Variants in UGT1A10 observed in about 807,000 individuals in gnomAD.
The protein encoded by UGT1A10 is UDP-glucuronosyltransferase 1A10.
Under a neutral mutation model 45.8 loss-of-function variants are expected in UGT1A10, and 49 were observed. That is an observed-to-expected ratio of 1.07 (90% confidence interval 0.85 to 1.36). The LOEUF is 1.36. UGT1A10 is among the 40% of genes most tolerant of loss of function. UGT1A10 has a pLI of 0.00. For synonymous variants in UGT1A10, 284 were observed against 249.7 expected (o/e 1.14, Z -1.29); for missense variants, 745 against 668.6 (o/e 1.11, Z -1.26).
chr2:233,682,607 T>C (rs1418324238), intron 1 of UGT1A10: 4 of 1,613,944 alleles, frequency 2.5e-6, no homozygotes, highest in Non-Finnish European at 3.4e-6. Flanking sequence ...CCCCTATTTT[T>C]TCAAAAATGT....
intron 1 of UGT1A10, among the ~76,000 whole-genome samples, chr2:233,640,473 A>G (rs1197127913): frequency 6.6e-6 from 1 of 152,218 alleles, no homozygotes; most frequent in Non-Finnish European, 1.5e-5. Context: ...CTTTAATATT[A>G]TCTCATTTCT....
At chr2:233,679,003 C>G (rs191810541) in intron 1 of UGT1A10, among the ~76,000 whole-genome samples, 7 of 152,324 alleles carry the variant, frequency 4.6e-5, no homozygotes, top group Admixed American at 4.6e-4. Flanking sequence ...ATAACAGTGG[C>G]ATCTTCAGTG....
chr2:233,680,635 C>T (rs2074493231), intron 1 of UGT1A10, among the ~76,000 whole-genome samples: 1 of 152,090 alleles, frequency 6.6e-6, no homozygotes, highest in South Asian at 2.1e-4. Context: ...AATGAGAATT[C>T]CCATGGACTT....
Position 233,636,770 on chromosome 2 carries a change from T to C in UGT1A10, c.248T>C (p.Leu83Pro), listed in dbSNP as rs1296906229. 2 of 1,614,070 alleles carry C rather than the reference T, an allele frequency of 1.2e-6. No individual in the cohort carries two copies. The highest frequency in any genetic ancestry group is 2.2e-5 in the East Asian group (1 of 44,898). Residue 83 changes from leucine to proline, a missense_variant, in exon 1 of 5, where the codon CTG (leucine) becomes CCG (proline). Leu to Pro is a moderately conservative substitution (Grantham distance 98, BLOSUM62 -3). Transcript: ENST00000344644. ...AAGACTTACTCAACCTCGTACACTC[T>C]GGAAGATCAGAACCGGGAATTCATG... is the stretch of plus-strand genomic sequence containing the variant. Reference protein sequence around the residue: ...TVKTYSTSYTLEDQNREFMVF... With the variant: ...TVKTYSTSYTPEDQNREFMVF...
At chr2:233,696,554 T>C (rs2075349375) in intron 1 of UGT1A10, among the ~76,000 whole-genome samples, 1 of 152,236 alleles carries the variant, frequency 6.6e-6, no homozygotes, top group African/African-American at 2.4e-5. Context: ...GAATATATTA[T>C]GTCATCTGAG....
intron 1 of UGT1A10, chr2:233,690,684 C>T (rs1252094224): frequency 1.9e-4 from 244 of 1,255,336 alleles, no homozygotes; most frequent in Non-Finnish European, 2.2e-4. Flanking sequence ...GGGTCTCCAG[C>T]GGAGCTACTC....
chr2:233,637,515 G>A (rs565498991), intron 1 of UGT1A10, 138 bp downstream of exon 1: 98 of 1,464,728 alleles, frequency 6.7e-5, no homozygotes, highest in African/African-American at 1.1e-4. Flanking sequence ...TATTTTGTGC[G>A]AATTCATGTA....
intron 1 of UGT1A10, chr2:233,729,669 C>T: frequency 6.2e-7 from 1 of 1,613,910 alleles, no homozygotes; most frequent in Non-Finnish European, 8.5e-7. Context: ...GTGATTTAGA[C>T]TTTAAGGGCA....
intron 1 of UGT1A10, among the ~76,000 whole-genome samples, chr2:233,756,700 T>C (rs1696300397): frequency 6.6e-6 from 1 of 152,160 alleles, no homozygotes; most frequent in Non-Finnish European, 1.5e-5. Flanking sequence ...CGATGAATTT[T>C]GGGGGGACTT....
chr2:233,757,560 ATG>A lies in UGT1A10; in HGVS notation c.856-9472_856-9471del, dbSNP rs199649558. The stretch of plus-strand genomic sequence containing the variant: ...AATATATATATATATATATATATAT[ATG>A]TATATATGATATAGCTATAGTCTAA... On this transcript the variant is annotated intron_variant, in intron 1 of 4. Transcript: ENST00000344644. 4.4e-3 allele frequency among the ~76,000 whole-genome samples: 540 copies of A among 123,120 alleles called. 38 individuals are homozygous for A. Among genetic ancestry groups the A allele is most frequent in the African/African-American group, 0.017 (503 of 29,340 alleles). 80.8% of individuals were successfully genotyped at this position (123,120 alleles called of 152,430 possible). A position where few individuals can be genotyped will look rare whatever the true frequency, so the allele number is the denominator to read the frequency against.
chr2:233,671,622 C>A (rs1049994118), intron 1 of UGT1A10, among the ~76,000 whole-genome samples: 1 of 152,202 alleles, frequency 6.6e-6, no homozygotes, highest in African/African-American at 2.4e-5. Context: ...TCTTTCTGAA[C>A]CTTCAAGGTC....
intron 1 of UGT1A10, among the ~76,000 whole-genome samples, chr2:233,744,590 G>C (rs1190508519): frequency 6.6e-6 from 1 of 151,850 alleles, no homozygotes; most frequent in Non-Finnish European, 1.5e-5. Flanking sequence ...TACAGTTTTT[G>C]CATCTCTCTT....
chr2:233,672,325 A>C, intron 1 of UGT1A10: 2 of 1,614,096 alleles, frequency 1.2e-6, no homozygotes, highest in Non-Finnish European at 1.7e-6. Flanking sequence ...GTTTAAAGAC[A>C]AAAAATTAGT....
chr2:233,654,466 A>C (rs1559326576), intron 1 of UGT1A10, among the ~76,000 whole-genome samples: 1 of 152,256 alleles, frequency 6.6e-6, no homozygotes, highest in Non-Finnish European at 1.5e-5. Context: ...TCATAAAATT[A>C]AGTAGTTTAC....
chr2:233,680,876 A>G (rs1283845795), intron 1 of UGT1A10, among the ~76,000 whole-genome samples: 1 of 152,048 alleles, frequency 6.6e-6, no homozygotes, highest in Non-Finnish European at 1.5e-5. Flanking sequence ...TTGGGCAAGC[A>G]TAGGGACGGC....
chr2:233,699,892 C>G (rs566030513), intron 1 of UGT1A10, among the ~76,000 whole-genome samples: 2 of 152,106 alleles, frequency 1.3e-5, no homozygotes, highest in African/African-American at 4.8e-5. Flanking sequence ...ATTGGAGAGG[C>G]GAAATAGTCA....
chr2:233,737,358 T>G (rs955996652), intron 1 of UGT1A10, among the ~76,000 whole-genome samples: 1 of 152,234 alleles, frequency 6.6e-6, no homozygotes, highest in African/African-American at 2.4e-5. Flanking sequence ...TGGGAGCTGC[T>G]AAGCCAGGCA....
chr2:233,716,357 T>C (rs1330128112), intron 1 of UGT1A10, among the ~76,000 whole-genome samples: 1 of 152,220 alleles, frequency 6.6e-6, no homozygotes, highest in Non-Finnish European at 1.5e-5. Context: ...ATGTAGATAC[T>C]TTGTGGGGCT....
At chr2:233,713,422 C>T (rs1163923876) in intron 1 of UGT1A10, 2 of 1,614,168 alleles carry the variant, frequency 1.2e-6, no homozygotes, top group Admixed American at 3.3e-5. Flanking sequence ...CTGCATGCTA[C>T]TTCCTTTGAT....
Sources: allele counts gnomAD v4.1 joint callset (sites outside exome capture counted in the v4.1 genomes callset), GRCh38; gene constraint gnomAD v4.1.1; transcripts MANE v1.5; gene names NCBI Gene and HGNC (gene_info 2026-07-23, HGNC 2026-07-21).